The following TMEM132B variants were observed in gnomAD, a reference collection of about 807,000 sequenced individuals.
TMEM132B encodes the protein transmembrane protein 132B.
A neutral mutation model predicts 90.8 loss-of-function variants in TMEM132B; 18 were observed. That is an observed-to-expected ratio of 0.20 (90% CI 0.14 to 0.29). The LOEUF (loss-of-function observed/expected upper bound fraction) is 0.29. TMEM132B is among the 10% of genes least tolerant of loss of function. The probability of loss-of-function intolerance (pLI) is 1.00; values close to 1 mark genes in which losing one functional copy is unlikely to be tolerated. For missense variants in TMEM132B, 1,096 were observed against 1,326.8 expected, an observed-to-expected ratio of 0.83 and a Z score of 2.70; for synonymous variants, 504 against 523.3, an observed-to-expected ratio of 0.96 and a Z score of 0.50.
chr12:125,569,288 A>G (rs1884734984), intron 4 of TMEM132B, among the ~76,000 whole-genome samples: 1 of 152,072 alleles, frequency 6.6e-6, no homozygotes, highest in African/African-American at 2.4e-5. Flanking sequence ...GGTATGCTGG[A>G]TATTATCGCC....
At chr12:125,358,956 T>C (rs1199196419) in intron 2 of TMEM132B, among the ~76,000 whole-genome samples, 1 of 152,254 alleles carries the variant, frequency 6.6e-6, no homozygotes, top group Non-Finnish European at 1.5e-5. Context: ...TGGCTCTTCC[T>C]GATCACTTCT....
rs1030253186 is a variant in TMEM132B at position 125,492,325 on chromosome 12, G to A, written c.1107-27114G>A. On this transcript the variant is annotated intron_variant, in intron 3 of 8. Coordinates refer to ENST00000682704, the MANE Select transcript of TMEM132B (RefSeq NM_001366854.1). The surrounding 1 kb of genome is among the most constrained non-coding windows in gnomAD (Gnocchi z 5.8). ...TCACCATTCCTTAGCGGGCTCTCGC[G>A]TGTCCTCCAAACACTGCTGCATGCC... 2.0e-5 allele frequency among the ~76,000 whole-genome samples: 3 copies of A among 152,198 alleles called. No individual in the cohort carries two copies. Among genetic ancestry groups the A allele is most frequent in the African/African-American group, 7.2e-5 (3 of 41,456 alleles).
At chr12:125,601,778 GATATCACCA>G (rs200995070) in intron 5 of TMEM132B, among the ~76,000 whole-genome samples, 10,674 of 152,130 alleles carry the variant, frequency 0.07, 414 homozygotes, top group East Asian at 0.13. Context: ...TGATAAAGGG[GATATCACCA>G]CTGACCCCAC....
intron 4 of TMEM132B, among the ~76,000 whole-genome samples, chr12:125,578,921 A>G (rs1566079445): frequency 6.6e-6 from 1 of 152,136 alleles, no homozygotes; most frequent in African/African-American, 2.4e-5. Context: ...CTAGGTGCGG[A>G]TCTCTCTGAG....
chr12:125,323,183 C>T (rs1258951868), intron 1 of TMEM132B, among the ~76,000 whole-genome samples: 6 of 152,178 alleles, frequency 3.9e-5, no homozygotes, highest in Admixed American at 2.6e-4. Context: ...CACCTGTAAT[C>T]CCAGCACTTT....
intron 1 of TMEM132B, among the ~76,000 whole-genome samples, chr12:125,336,173 G>C (rs574665519): frequency 2.0e-5 from 3 of 152,160 alleles, no homozygotes; most frequent in Non-Finnish European, 2.9e-5. Context: ...CTTCTGTCCG[G>C]CAGTCACCGA....
Position 125,608,591 on chromosome 12 carries a change from C to A in TMEM132B, c.1437+24597C>A, listed in dbSNP as rs545381809. ...AGTTTTGATCAAGTCTAAATGTAAC[C>A]AATTAACTTTTTATTCAATTGTACT... On this transcript the variant is annotated intron_variant, in intron 5 of 8. Coordinates refer to ENST00000682704, the MANE Select transcript of TMEM132B (RefSeq NM_001366854.1). Among the ~76,000 whole-genome samples, 5 of 152,164 alleles carry A rather than the reference C, an allele frequency of 3.3e-5. No homozygotes were observed. The East Asian group carries it at 9.7e-4, about 29-fold the overall frequency.
intron 1 of TMEM132B, among the ~76,000 whole-genome samples, chr12:125,245,528 A>G (rs1593054257): frequency 6.6e-6 from 1 of 152,098 alleles, no homozygotes; most frequent in African/African-American, 2.4e-5. Flanking sequence ...AGGACCCAGG[A>G]TGGGGGGCTT....
chr12:125,423,127 A>C (rs1022292090), intron 3 of TMEM132B, among the ~76,000 whole-genome samples: 3 of 152,180 alleles, frequency 2.0e-5, no homozygotes, highest in African/African-American at 7.2e-5. Flanking sequence ...AGGTGATTTT[A>C]ATGTGCAGCC....
intron 1 of TMEM132B, among the ~76,000 whole-genome samples, chr12:125,228,318 G>A (rs1224088854): frequency 6.6e-6 from 1 of 152,196 alleles, no homozygotes; most frequent in Non-Finnish European, 1.5e-5. Flanking sequence ...CCAGGACCAC[G>A]TGTGTGTGAA....
chr12:125,437,608 C>T (rs1485900949), intron 3 of TMEM132B, among the ~76,000 whole-genome samples: 6 of 151,538 alleles, frequency 4.0e-5, no homozygotes, highest in Non-Finnish European at 5.9e-5. Context: ...AAAAACGTAG[C>T]GTCTCCATAT....
intron 3 of TMEM132B, among the ~76,000 whole-genome samples, chr12:125,481,534 C>A (rs1882042846): frequency 6.6e-6 from 1 of 152,146 alleles, no homozygotes; most frequent in African/African-American, 2.4e-5. Context: ...ACCTAGGAAT[C>A]CAACTTACAA....
intron 3 of TMEM132B, among the ~76,000 whole-genome samples, chr12:125,518,562 C>G (rs1883225222): frequency 6.6e-6 from 1 of 152,210 alleles, no homozygotes; most frequent in Non-Finnish European, 1.5e-5. Context: ...CAGGGTCATT[C>G]ACAATCCTGT....
At chr12:125,220,366 A>G (rs1873530512) in intron 1 of TMEM132B, among the ~76,000 whole-genome samples, 1 of 152,214 alleles carries the variant, frequency 6.6e-6, no homozygotes, top group South Asian at 2.1e-4. Context: ...CACCGCCTGG[A>G]GACACGTAAC....
intron 3 of TMEM132B, among the ~76,000 whole-genome samples, chr12:125,514,605 C>T (rs1883060776): frequency 6.6e-6 from 1 of 152,230 alleles, no homozygotes; most frequent in African/African-American, 2.4e-5. Flanking sequence ...GTGTTACCAT[C>T]TCTGCCTGGT....
intron 3 of TMEM132B, among the ~76,000 whole-genome samples, chr12:125,502,719 C>G (rs750095931): frequency 6.6e-6 from 1 of 152,112 alleles, no homozygotes; most frequent in Non-Finnish European, 1.5e-5. Context: ...AATATAAACT[C>G]CAGAAGAGCT....
chr12:125,611,995 T>A (rs1885840285), intron 5 of TMEM132B, among the ~76,000 whole-genome samples: 1 of 152,124 alleles, frequency 6.6e-6, no homozygotes, highest in Non-Finnish European at 1.5e-5. Flanking sequence ...ATCGTGAAAG[T>A]TGGGAATTTA....
intron 1 of TMEM132B, among the ~76,000 whole-genome samples, chr12:125,284,458 G>A (rs961112675): frequency 4.6e-5 from 7 of 152,188 alleles, no homozygotes; most frequent in African/African-American, 1.4e-4. Context: ...GTGGAGCAGG[G>A]GTTAGACCGC....
At chr12:125,197,422 C>T (rs1461698125) in intron 1 of TMEM132B, among the ~76,000 whole-genome samples, 2 of 152,318 alleles carry the variant, frequency 1.3e-5, no homozygotes, top group East Asian at 1.9e-4. Context: ...TAGGCGGCCT[C>T]GGCTCCTGAC....
Sources: allele counts gnomAD v4.1 joint callset (sites outside exome capture counted in the v4.1 genomes callset), GRCh38; gene constraint gnomAD v4.1.1; non-coding constraint Gnocchi (gnomAD v3.1); transcripts MANE v1.5; gene names NCBI Gene and HGNC (gene_info 2026-07-23, HGNC 2026-07-21).